GABRR2: variants seen among roughly 807,000 people sequenced by gnomAD.
GABRR2 encodes gamma-aminobutyric acid receptor subunit rho-2.
A neutral mutation model predicts 47.0 loss-of-function variants in GABRR2; 36 were observed. That is an observed-to-expected ratio of 0.77 (90% CI 0.59 to 1.01). The LOEUF (loss-of-function observed/expected upper bound fraction) is 1.01. Ranked by LOEUF, GABRR2 falls within the 50% of genes least tolerant of loss-of-function variation. The probability of loss-of-function intolerance (pLI) is 0.00; values close to 1 mark genes in which losing one functional copy is unlikely to be tolerated. For missense variants in GABRR2, 587 were observed against 594.6 expected, an observed-to-expected ratio of 0.99 and a Z score of 0.13; for synonymous variants, 204 against 227.5, an observed-to-expected ratio of 0.90 and a Z score of 0.93.
At position 89,269,246 on chromosome 6, in the gene GABRR2, G is replaced by C. The variant is rs766749657; in HGVS notation, c.289-12C>G. The stretch of plus-strand genomic sequence containing the variant: ...GTCATAGTGAAGTCCTGTGGGAGCC[G>C]GGGTGAGACCAGACAAAAATGGCTT... On this transcript the variant is annotated splice_polypyrimidine_tract_variant and intron_variant, in intron 3 of 8. Transcript: ENST00000402938. 39 of 1,609,266 alleles carry C rather than the reference G, an allele frequency of 2.4e-5. No individual in the cohort carries two copies. Among genetic ancestry groups the C allele is most frequent in the Non-Finnish European group, 3.1e-5 (36 of 1,175,710 alleles).
intron 2 of GABRR2, among the ~76,000 whole-genome samples, chr6:89,287,622 C>T (rs1275864925): frequency 6.6e-6 from 1 of 152,228 alleles, no homozygotes; most frequent in Non-Finnish European, 1.5e-5. Flanking sequence ...CTGAGTCCAT[C>T]CTCACAACGG....
chr6:89,311,506 T>C (rs1048570687), intron 1 of GABRR2, among the ~76,000 whole-genome samples: 3 of 152,068 alleles, frequency 2.0e-5, no homozygotes, highest in Admixed American at 1.3e-4. Flanking sequence ...GTCTCGGCCC[T>C]CAGACCCTAG....
intron 1 of GABRR2, chr6:89,302,551 CT>C: frequency 1.1e-6 from 1 of 939,828 alleles, no homozygotes; most frequent in Admixed American, 1.9e-5. Flanking sequence ...CATGGGTGCC[CT>C]TCCCCTGCCT....
intron 1 of GABRR2, among the ~76,000 whole-genome samples, chr6:89,303,304 C>T (rs1241490648): frequency 6.6e-6 from 1 of 152,202 alleles, no homozygotes; most frequent in Non-Finnish European, 1.5e-5. Context: ...CACGTGTGTG[C>T]TGCTCCTGTC....
chr6:89,314,204 G>T (rs1767725582), intron 1 of GABRR2, among the ~76,000 whole-genome samples: 2 of 152,160 alleles, frequency 1.3e-5, no homozygotes, highest in Non-Finnish European at 1.5e-5. Context: ...TGTGCCTCAA[G>T]ATATTAATTT....
chr6:89,264,837 G>T (rs1582436020), intron 7 of GABRR2, among the ~76,000 whole-genome samples: 1 of 152,142 alleles, frequency 6.6e-6, no homozygotes, highest in South Asian at 2.1e-4. Context: ...GAAAGACTGG[G>T]TTTCTGTGAT....
chr6:89,302,835 C>T (rs1311863317), intron 1 of GABRR2: 3 of 1,369,514 alleles, frequency 2.2e-6, no homozygotes, highest in Admixed American at 3.6e-5. Flanking sequence ...TGACATCCCA[C>T]CCCCCAGCCT....
At chr6:89,267,420 T>C (rs1773923651) in intron 6 of GABRR2, among the ~76,000 whole-genome samples, 1 of 151,896 alleles carries the variant, frequency 6.6e-6, no homozygotes, top group Non-Finnish European at 1.5e-5. Context: ...TTTTAAAAAT[T>C]AGCTGGACAT....
chr6:89,269,964 CA>C (rs1023173778), intron 3 of GABRR2, among the ~76,000 whole-genome samples: 26 of 152,278 alleles, frequency 1.7e-4, no homozygotes, highest in African/African-American at 6.0e-4. Context: ...AATAACTGCC[CA>C]AAAGATCCTC....
At chr6:89,262,028 CA>C (rs35450080) in intron 8 of GABRR2, among the ~76,000 whole-genome samples, 38,380 of 130,318 alleles carry the variant, frequency 0.29, 4,941 homozygotes, top group Non-Finnish European at 0.33. Flanking sequence ...GACCCTGTCT[CA>C]AAAAAAAAAA....
At position 89,267,831 on chromosome 6, in the gene GABRR2, G is replaced by A. The variant is rs764939421; in HGVS notation, c.596-12C>T. On this transcript the variant is annotated splice_polypyrimidine_tract_variant and intron_variant, in intron 5 of 8. Transcript: ENST00000402938. ...ATCTGTATAGGCATCTTTGGGAAGA[G>A]GAAAACAAGTTAATTTGACTCCTTC... The A allele has an allele frequency of 1.9e-6, 3 of 1,607,390 alleles. No homozygotes were observed. The highest frequency in any genetic ancestry group is 1.7e-4 in the Middle Eastern group (1 of 5,722).
intron 1 of GABRR2, among the ~76,000 whole-genome samples, chr6:89,314,586 G>C (rs1186380106): frequency 6.6e-6 from 1 of 152,108 alleles, no homozygotes; most frequent in Non-Finnish European, 1.5e-5. Context: ...TCATTATAAA[G>C]TTATTCTCTG....
At chr6:89,305,084 A>G (rs956705244) in intron 1 of GABRR2, among the ~76,000 whole-genome samples, 1 of 152,212 alleles carries the variant, frequency 6.6e-6, no homozygotes, top group African/African-American at 2.4e-5. Context: ...ATGGCCACAC[A>G]TGGTGGCTCA....
intron 2 of GABRR2, 80 bp downstream of exon 2, chr6:89,299,679 G>T: frequency 1.1e-6 from 1 of 901,738 alleles, no homozygotes; most frequent in Non-Finnish European, 1.8e-6. Context: ...GAAGCGCTGT[G>T]CCAGAGGGAG....
intron 2 of GABRR2, among the ~76,000 whole-genome samples, chr6:89,294,169 A>C (rs1774517148): frequency 6.6e-6 from 1 of 151,842 alleles, no homozygotes; most frequent in African/African-American, 2.4e-5. Flanking sequence ...TTTTTGAGCC[A>C]GAGTCTCACT....
intron 4 of GABRR2, 39 bp from the exon 5 acceptor site, chr6:89,268,135 A>C (rs1184624761): frequency 6.7e-7 from 1 of 1,485,356 alleles, no homozygotes; most frequent in Non-Finnish European, 9.3e-7. Flanking sequence ...TGTGCGGTGA[A>C]TTATTGGCTC....
intron 1 of GABRR2, chr6:89,301,990 C>A (rs564080794): frequency 4.0e-6 from 3 of 747,646 alleles, no homozygotes; most frequent in Non-Finnish European, 7.2e-6. Context: ...ACCTGGAGCC[C>A]GGGACCATGG....
At chr6:89,270,958 CAG>C (rs1167319558) in intron 3 of GABRR2, among the ~76,000 whole-genome samples, 1 of 152,174 alleles carries the variant, frequency 6.6e-6, no homozygotes, top group Non-Finnish European at 1.5e-5. Flanking sequence ...GAAGAAAAAA[CAG>C]AAATTCTTTA....
At position 89,257,708 on chromosome 6, in the gene GABRR2, T is replaced by C. The variant is rs745502600; in HGVS notation, c.1360A>G (p.Ile454Val). 14 of 1,613,650 alleles carry C rather than the reference T, an allele frequency of 8.7e-6. 1 individual carries two copies. The Middle Eastern group carries it at 4.9e-4, about 57-fold the overall frequency. Residue 454 changes from isoleucine to valine, a missense_variant, in exon 9 of 9, where the codon ATA becomes GTA. Coordinates refer to ENST00000402938, the MANE Select transcript of GABRR2 (RefSeq NM_002043.5). ...YSRLIFPASYIFFNLIYWSVF... is the reference protein window; with the variant it reads ...YSRLIFPASYVFFNLIYWSVF... ...GACCAATAAATTAAGTTGAAAAATA[T>C]GTAGGAGGCAGGGAATATCAACCTA...
Sources: allele counts gnomAD v4.1 joint callset (sites outside exome capture counted in the v4.1 genomes callset), GRCh38; gene constraint gnomAD v4.1.1; transcripts MANE v1.5; gene names NCBI Gene and HGNC (gene_info 2026-07-23, HGNC 2026-07-21).